PRKN: variants seen among roughly 807,000 people sequenced by gnomAD.
PRKN encodes parkin RBR E3 ubiquitin protein ligase.
A neutral mutation model predicts 59.5 loss-of-function variants in PRKN; 56 were observed. The ratio of observed to expected loss-of-function variants is 0.94; its 90% confidence interval spans 0.76 to 1.18. The LOEUF is 1.18. Among genes scored for constraint, PRKN ranks in the 50% most tolerant of loss-of-function variants. PRKN has a pLI of 0.00. For missense variants in PRKN, 657 were observed against 596.4 expected (o/e 1.10, Z -1.06); for synonymous variants, 250 against 222.1 (o/e 1.13, Z -1.12).
intron 9 of PRKN, among the ~76,000 whole-genome samples, chr6:161,477,468 A>G (rs554287224): frequency 1.3e-5 from 2 of 149,372 alleles, no homozygotes; most frequent in Non-Finnish European, 3.0e-5. Context: ...GTGAGCCGAG[A>G]TCACACCATT....
chr6:161,738,348 C>G (rs1406900049), intron 7 of PRKN, among the ~76,000 whole-genome samples: 1 of 152,108 alleles, frequency 6.6e-6, no homozygotes, highest in Non-Finnish European at 1.5e-5. Flanking sequence ...GTGCTCCCGT[C>G]ATCTTTAAAA....
intron 1 of PRKN, among the ~76,000 whole-genome samples, chr6:162,487,791 C>T (rs1400083945): frequency 1.3e-5 from 2 of 152,024 alleles, no homozygotes; most frequent in East Asian, 3.9e-4. Flanking sequence ...TAAAATAACG[C>T]CTGGCTGGGT....
intron 4 of PRKN, among the ~76,000 whole-genome samples, chr6:162,198,563 T>G (rs572180802): frequency 6.6e-6 from 1 of 152,282 alleles, no homozygotes; most frequent in Admixed American, 6.5e-5. Context: ...TTCTAAGTAC[T>G]CTTCGTAAAT....
chr6:162,135,753 G>T lies in PRKN; in HGVS notation c.534+65378C>A, dbSNP rs570444895. On this transcript the variant is annotated intron_variant, in intron 4 of 11. Coordinates refer to ENST00000366898, the MANE Select transcript of PRKN (RefSeq NM_004562.3). ...GAAAGGTGAAAGGTGAAAGGCTGAA[G>T]GAATGGGGGAGGGGAGGGGCCATTT... 1.3e-4 allele frequency among the ~76,000 whole-genome samples: 20 copies of T among 152,148 alleles called. No individual in the cohort carries two copies. In the South Asian group the frequency reaches 4.2e-3, roughly 32 times the overall value.
intron 6 of PRKN, among the ~76,000 whole-genome samples, chr6:161,866,469 G>C (rs1305881997): frequency 1.3e-5 from 2 of 152,078 alleles, no homozygotes; most frequent in African/African-American, 4.8e-5. Flanking sequence ...CAGCTACTTG[G>C]GAGGCTGAGG....
chr6:161,840,370 C>A lies in PRKN; in HGVS notation c.735-54462G>T, dbSNP rs1386707586. 4.6e-5 allele frequency among the ~76,000 whole-genome samples: 7 copies of A among 152,168 alleles called. No homozygotes were observed. The East Asian group carries it at 1.4e-3, about 29-fold the overall frequency. ...TCTACCTGGTTAGGGGGCAGCCTGCCCTGGACAGCTGAGAGCTGGGAAAGC... is the reference window on the plus strand; with the variant it reads ...TCTACCTGGTTAGGGGGCAGCCTGCACTGGACAGCTGAGAGCTGGGAAAGC... On this transcript the variant is annotated intron_variant, in intron 6 of 11. Transcript: ENST00000366898.
In PRKN at chr6:161,743,942, T is replaced by C. The variant is rs183656944; in HGVS notation, c.871+41830A>G. ...CTGCGTCTTTGCTAGAAACAAGTGA[T>C]TACCAAACTGTTCCACGGAGCCCTG... On this transcript the variant is annotated intron_variant, in intron 7 of 11. Coordinates refer to ENST00000366898, the MANE Select transcript of PRKN (RefSeq NM_004562.3). 2.6e-3 allele frequency among the ~76,000 whole-genome samples: 395 copies of C among 152,244 alleles called. 2 individuals carry two copies. The highest frequency in any genetic ancestry group is 3.7e-3 in the Non-Finnish European group (255 of 68,014).
At chr6:161,797,164 A>G (rs1392020938) in intron 6 of PRKN, among the ~76,000 whole-genome samples, 2 of 152,236 alleles carry the variant, frequency 1.3e-5, no homozygotes, top group African/African-American at 4.8e-5. Context: ...AAAACCCTGC[A>G]CAAACAATTG....
At chr6:162,072,269 C>A (rs1778610518) in intron 4 of PRKN, among the ~76,000 whole-genome samples, 1 of 151,964 alleles carries the variant, frequency 6.6e-6, no homozygotes, top group Non-Finnish European at 1.5e-5. Flanking sequence ...GCCCGGGTGA[C>A]AGAGCGAGAC....
At chr6:162,242,474 T>C (rs1779024630) in intron 3 of PRKN, among the ~76,000 whole-genome samples, 1 of 152,172 alleles carries the variant, frequency 6.6e-6, no homozygotes, top group Non-Finnish European at 1.5e-5. Context: ...TCTAAATGGA[T>C]CCTTCCCAAG....
At chr6:161,489,021 GA>G (rs1777446315) in intron 9 of PRKN, among the ~76,000 whole-genome samples, 2 of 152,130 alleles carry the variant, frequency 1.3e-5, no homozygotes, top group Admixed American at 6.5e-5. Flanking sequence ...AAACATGAAA[GA>G]AAAGGGGGCT....
intron 8 of PRKN, among the ~76,000 whole-genome samples, chr6:161,558,366 A>G (rs1478802840): frequency 6.6e-6 from 1 of 152,096 alleles, no homozygotes; most frequent in Non-Finnish European, 1.5e-5. Flanking sequence ...GTTTGAGGCC[A>G]GCCTAGGCAA....
chr6:162,550,480 A>G (rs7745918), intron 1 of PRKN, among the ~76,000 whole-genome samples: 95,787 of 151,974 alleles, frequency 0.63, 30,491 homozygotes, highest in South Asian at 0.8. Flanking sequence ...AGATGATGAG[A>G]GTTGGGAGAA....
At chr6:162,127,370 G>A (rs557178115) in intron 4 of PRKN, among the ~76,000 whole-genome samples, 1 of 152,190 alleles carries the variant, frequency 6.6e-6, no homozygotes, top group East Asian at 1.9e-4. Flanking sequence ...TAGCAAAAAG[G>A]AGCTAAAGAG....
chr6:161,942,785 T>C (rs1463996674), intron 6 of PRKN, among the ~76,000 whole-genome samples: 1 of 152,094 alleles, frequency 6.6e-6, no homozygotes, highest in African/African-American at 2.4e-5. Context: ...ATCTAACATT[T>C]GACAGAAAAA....
intron 6 of PRKN, among the ~76,000 whole-genome samples, chr6:161,938,366 T>C (rs1779431018): frequency 6.6e-6 from 1 of 152,222 alleles, no homozygotes; most frequent in South Asian, 2.1e-4. Flanking sequence ...AGCTTAGTTT[T>C]ATAGTCACAG....
chr6:162,399,783 C>T (rs546134724), intron 2 of PRKN, among the ~76,000 whole-genome samples: 1 of 149,312 alleles, frequency 6.7e-6, no homozygotes, highest in East Asian at 2.0e-4. Flanking sequence ...TAAGGAACAA[C>T]TGAAAAAAAA....
intron 6 of PRKN, among the ~76,000 whole-genome samples, chr6:161,874,155 A>T (rs1220149533): frequency 2.0e-5 from 1 of 50,168 alleles, no homozygotes; most frequent in East Asian, 8.8e-4. Context: ...TATAATATAT[A>T]TTATATATAA....
At chr6:161,941,706 C>T (rs1242838768) in intron 6 of PRKN, among the ~76,000 whole-genome samples, 1 of 152,164 alleles carries the variant, frequency 6.6e-6, no homozygotes, top group African/African-American at 2.4e-5. Context: ...TGCTGTGGGG[C>T]TCCAACAGCC....
Sources: gnomAD v4.1 joint callset for allele counts (sites outside exome capture counted in the v4.1 genomes callset) on GRCh38, gnomAD v4.1.1 for gene constraint, MANE v1.5 for transcripts, NCBI Gene and HGNC (gene_info 2026-07-23, HGNC 2026-07-21) for gene names.